PBX1: variants seen among roughly 807,000 people sequenced by gnomAD.
PBX1 encodes the protein PBX homeobox 1.
Under a neutral mutation model 53.4 loss-of-function variants are expected in PBX1, and 6 were observed. The observed-to-expected ratio is 0.11, with a 90% CI of 0.06 to 0.22. The LOEUF (loss-of-function observed/expected upper bound fraction) is 0.22. Ranked by LOEUF, PBX1 falls within the 10% of genes least tolerant of loss-of-function variation. PBX1 has a pLI of 1.00. For missense variants in PBX1, 251 were observed against 551.4 expected (o/e 0.46, Z 5.46); for synonymous variants, 204 against 212.3 (o/e 0.96, Z 0.34).
At chr1:164,800,038 G>A (rs901039473) in intron 4 of PBX1, 149 bp downstream of exon 4, 37 of 671,828 alleles carry the variant, frequency 5.5e-5, no homozygotes, top group Non-Finnish European at 8.4e-5. Context: ...AGACTAGATG[G>A]GCCATCGGTT....
At chr1:164,658,413 A>G (rs1660291318) in intron 2 of PBX1, among the ~76,000 whole-genome samples, 1 of 152,202 alleles carries the variant, frequency 6.6e-6, no homozygotes, top group Non-Finnish European at 1.5e-5. Context: ...TGCCTTTCCA[A>G]GAATGACCAA....
intron 2 of PBX1, among the ~76,000 whole-genome samples, chr1:164,584,780 G>T (rs924137966): frequency 6.6e-6 from 1 of 152,030 alleles, no homozygotes; most frequent in Non-Finnish European, 1.5e-5. Context: ...CGGAGGTGAG[G>T]GGGCAGCTGC....
At chr1:164,811,891 G>C (rs185380091) in intron 5 of PBX1, 99 bp from the exon 6 acceptor site, 8 of 901,010 alleles carry the variant, frequency 8.9e-6, no homozygotes, top group Non-Finnish European at 1.3e-5. Context: ...AGACCAATTA[G>C]CTTACCTCTT....
At chr1:164,620,774 C>T (rs1216501652) in intron 2 of PBX1, among the ~76,000 whole-genome samples, 1 of 151,970 alleles carries the variant, frequency 6.6e-6, no homozygotes, top group Non-Finnish European at 1.5e-5. Context: ...CCTCTGCCTC[C>T]CGGGCTTAAG....
At chr1:164,802,869 CA>C (rs1030264841) in intron 4 of PBX1, among the ~76,000 whole-genome samples, 9 of 151,526 alleles carry the variant, frequency 5.9e-5, no homozygotes, top group African/African-American at 9.7e-5. Context: ...CTATAAATAA[CA>C]TTTTTTTTTT....
Position 164,714,433 on chromosome 1 carries a change from A to G in PBX1, c.266-78061A>G, listed in dbSNP as rs574250659. 8.1e-4 allele frequency among the ~76,000 whole-genome samples: 123 copies of G among 152,360 alleles called. 2 individuals carry two copies. The South Asian group carries it at 0.024, about 30-fold the overall frequency. ...AGCAATGTAGTTCTTGCAAACACTT[A>G]TTACCCTGTGTTATAGATACTTAGC... On this transcript the variant is annotated intron_variant, in intron 2 of 8. Coordinates refer to ENST00000420696, the MANE Select transcript of PBX1 (RefSeq NM_002585.4).
intron 2 of PBX1, among the ~76,000 whole-genome samples, chr1:164,704,087 T>A (rs1663286636): frequency 6.6e-6 from 1 of 152,116 alleles, no homozygotes; most frequent in African/African-American, 2.4e-5. Flanking sequence ...CTGTTAGCTG[T>A]AATCTGAAGG....
rs1225881217 is a variant in PBX1, at chr1:164,799,549, AG to A, written c.511-146del. On this transcript the variant is annotated intron_variant, in intron 3 of 8. Coordinates refer to ENST00000420696, the MANE Select transcript of PBX1 (RefSeq NM_002585.4). ...CATTATCGCCAAAACTTTGAGCCAC[AG>A]GGGCTGAAAGGGACGTCTACCACAA... The A allele has an allele frequency of 4.7e-5, 25 of 530,590 alleles. No individual in the cohort carries two copies. In the East Asian group the frequency reaches 7.1e-4, roughly 15 times the overall value. 32.9% of individuals were successfully genotyped at this position (530,590 alleles called of 1,614,324 possible).
chr1:164,628,920 G>A (rs1658224235), intron 2 of PBX1, among the ~76,000 whole-genome samples: 2 of 152,036 alleles, frequency 1.3e-5, no homozygotes, highest in Non-Finnish European at 2.9e-5. Context: ...TTCTTTTTAA[G>A]TCTCCCTTTG....
intron 2 of PBX1, among the ~76,000 whole-genome samples, chr1:164,681,551 C>G (rs1298645656): frequency 6.6e-6 from 1 of 152,156 alleles, no homozygotes; most frequent in Non-Finnish European, 1.5e-5. Context: ...ATTGTCAGGC[C>G]TAGATGCCTG....
At chr1:164,844,541 G>A (rs1671469015) in intron 8 of PBX1, among the ~76,000 whole-genome samples, 1 of 152,144 alleles carries the variant, frequency 6.6e-6, no homozygotes, top group Admixed American at 6.5e-5. Context: ...TCCCCAAGTA[G>A]TAGGATTATG....
At chr1:164,750,992 G>A (rs1014120419) in intron 2 of PBX1, among the ~76,000 whole-genome samples, 2 of 152,096 alleles carry the variant, frequency 1.3e-5, no homozygotes, top group East Asian at 1.9e-4. Context: ...GAGACTATGA[G>A]GTCAAAAGTA....
At chr1:164,757,949 T>A (rs1346697178) in intron 2 of PBX1, among the ~76,000 whole-genome samples, 1 of 152,188 alleles carries the variant, frequency 6.6e-6, no homozygotes, top group Non-Finnish European at 1.5e-5. Context: ...ACACTTTTAG[T>A]TTTATAATTT....
chr1:164,786,127 T>A (rs1668160285), intron 2 of PBX1, among the ~76,000 whole-genome samples: 1 of 152,232 alleles, frequency 6.6e-6, no homozygotes, highest in Non-Finnish European at 1.5e-5. Flanking sequence ...ATTGGCTGCC[T>A]GGCTGAGAAC....
Position 164,571,073 on chromosome 1 carries a change from G to A in PBX1, c.265+7762G>A, listed in dbSNP as rs1653815607. 3.3e-5 allele frequency among the ~76,000 whole-genome samples: 5 copies of A among 152,140 alleles called. No homozygotes were observed. The South Asian group carries it at 1.0e-3, about 32-fold the overall frequency. ...ATAGAAGACAACCTGACCTTTTCTT[G>A]CCCTTCTAGTACATTCCTTATTTAG... On this transcript the variant is annotated intron_variant, in intron 2 of 8. Transcript: ENST00000420696.
intron 2 of PBX1, among the ~76,000 whole-genome samples, chr1:164,885,261 CATCATTTAGT>C (rs1672751598): frequency 6.6e-6 from 1 of 152,158 alleles, no homozygotes; most frequent in Non-Finnish European, 1.5e-5. Flanking sequence ...AGCTCAAAGA[CATCATTTAGT>C]ATGGCTGGGG....
intron 2 of PBX1, among the ~76,000 whole-genome samples, chr1:164,731,784 A>G (rs1244785807): frequency 6.6e-6 from 1 of 152,200 alleles, no homozygotes; most frequent in Non-Finnish European, 1.5e-5. Context: ...AACGCCAGTC[A>G]AAGAGCAGAG....
intron 2 of PBX1, among the ~76,000 whole-genome samples, chr1:164,693,760 A>T (rs755345839): frequency 6.6e-6 from 1 of 152,162 alleles, no homozygotes; most frequent in Non-Finnish European, 1.5e-5. Flanking sequence ...CATGTAGCCA[A>T]TGAAGAACAG....
At chr1:164,601,833 G>A (rs938118147) in intron 2 of PBX1, among the ~76,000 whole-genome samples, 2 of 152,086 alleles carry the variant, frequency 1.3e-5, no homozygotes, top group African/African-American at 4.8e-5. Flanking sequence ...ATTCTGGAGA[G>A]ACTTGAGAGA....
Sources: gnomAD v4.1 joint callset for allele counts (sites outside exome capture counted in the v4.1 genomes callset) on GRCh38, gnomAD v4.1.1 for gene constraint, MANE v1.5 for transcripts, NCBI Gene and HGNC (gene_info 2026-07-23, HGNC 2026-07-21) for gene names.